EDA: variants seen among roughly 807,000 people sequenced by gnomAD.
The protein encoded by EDA is ectodysplasin-A.
EDA carries 2 observed loss-of-function variants against 23.6 expected under a neutral mutation model. The observed-to-expected ratio is 0.08, with a 90% confidence interval of 0.03 to 0.27. The LOEUF (loss-of-function observed/expected upper bound fraction) is 0.27, where lower values mean the gene tolerates loss of function less well. Ranked by LOEUF, EDA falls within the 10% of genes least tolerant of loss-of-function variation. The pLI is 1.00. For synonymous variants in EDA, 131 were observed against 132.0 expected (o/e 0.99, Z 0.05); for missense variants, 229 against 324.2 (o/e 0.71, Z 2.26).
intron 1 of EDA, among the ~76,000 whole-genome samples, chrX:69,745,192 G>T (rs2013580090): frequency 9.0e-6 from 1 of 111,314 alleles, no homozygotes; most frequent in Non-Finnish European, 1.9e-5. Context: ...CTTTACCTTG[G>T]AATTCTATCA....
intron 1 of EDA, among the ~76,000 whole-genome samples, chrX:69,644,527 GGTTTTCTAGATATAGGATCAT>G (rs1932882239): frequency 9.0e-6 from 1 of 111,099 alleles, no homozygotes; most frequent in Non-Finnish European, 1.9e-5. Context: ...GAGATGATGG[GGTTTTCTAGATATAGGATCAT>G]GTCATCTGCA....
intron 1 of EDA, among the ~76,000 whole-genome samples, chrX:69,913,620 G>C: frequency 8.9e-6 from 1 of 112,218 alleles, no homozygotes; most frequent in Non-Finnish European, 1.9e-5. Flanking sequence ...CTTATCATTT[G>C]TGTGTTCATT....
chrX:69,733,140 A>G (rs1427948994), intron 1 of EDA, among the ~76,000 whole-genome samples: 1 of 109,746 alleles, frequency 9.1e-6, no homozygotes, highest in African/African-American at 3.3e-5. Context: ...TTTTGTTGCC[A>G]TTGCTTTTGG....
chrX:69,664,287 C>T (rs1179883328), intron 1 of EDA, among the ~76,000 whole-genome samples: 1 of 111,329 alleles, frequency 9.0e-6, no homozygotes, highest in East Asian at 2.8e-4. Flanking sequence ...GTATTTGAAT[C>T]AAGGGGCGTG....
At chrX:69,709,912 G>A (rs1285689447) in intron 1 of EDA, among the ~76,000 whole-genome samples, 1 of 111,290 alleles carries the variant, frequency 9.0e-6, no homozygotes, top group African/African-American at 3.3e-5. Flanking sequence ...TGTCAGATGA[G>A]TAGATTGCAA....
chrX:69,910,052 G>A (rs1405553581), intron 1 of EDA, among the ~76,000 whole-genome samples: 1 of 111,581 alleles, frequency 9.0e-6, no homozygotes, highest in African/African-American at 3.3e-5. Context: ...CTTTTAAGTG[G>A]ATAATTCAAC....
At chrX:69,810,921 G>T (rs1402581602) in intron 1 of EDA, among the ~76,000 whole-genome samples, 1 of 111,569 alleles carries the variant, frequency 9.0e-6, no homozygotes, top group Admixed American at 9.5e-5. Flanking sequence ...AGGAGTAAGG[G>T]TAAAACATTT....
At chrX:69,693,925 T>C (rs2011250947) in intron 1 of EDA, among the ~76,000 whole-genome samples, 1 of 112,256 alleles carries the variant, frequency 8.9e-6, no homozygotes, top group Admixed American at 9.5e-5. Context: ...GGCAAATGAA[T>C]GAAATTCCTC....
intron 1 of EDA, among the ~76,000 whole-genome samples, chrX:69,944,650 G>T (rs180919113): frequency 2.3e-4 from 26 of 111,500 alleles, no homozygotes; most frequent in Admixed American, 1.7e-3. Flanking sequence ...TGAGGGAGGG[G>T]TGATGCAAGC....
Position 69,687,059 on chromosome X carries a change from C to T in EDA, c.396+70355C>T, listed in dbSNP as rs369647301. On this transcript the variant is annotated intron_variant, in intron 1 of 7. Coordinates refer to ENST00000374552, the MANE Select transcript of EDA (RefSeq NM_001399.5). ...TTCCACAAGCAACATATGAGGGTTC[C>T]AATTACTCTTCATCCTTGTCTACAC... Among the ~76,000 whole-genome samples, 41 of 111,685 alleles carry T rather than the reference C, an allele frequency of 3.7e-4. 1 individual carries two copies. The East Asian group carries it at 0.011, about 29-fold the overall frequency.
intron 1 of EDA, among the ~76,000 whole-genome samples, chrX:69,692,055 A>G (rs948977672): frequency 2.7e-5 from 3 of 111,233 alleles, no homozygotes; most frequent in Admixed American, 9.6e-5. Flanking sequence ...TGACTCCCAT[A>G]TGGAAATAGG....
At chrX:70,034,798 C>A (rs2020242421) in intron 7 of EDA, among the ~76,000 whole-genome samples, 1 of 111,728 alleles carries the variant, frequency 9.0e-6, no homozygotes, top group East Asian at 2.8e-4. Context: ...ATGGGAGGCC[C>A]AAGGGGCACT....
At chrX:69,860,945 C>G (rs1206877292) in intron 1 of EDA, 1 of 519,178 alleles carries the variant, frequency 1.9e-6, no homozygotes, top group Non-Finnish European at 3.5e-6. Context: ...GTCTCAGTCC[C>G]TCAGTGGGAG....
At chrX:70,011,303 C>A (rs1416777595) in intron 2 of EDA, among the ~76,000 whole-genome samples, 1 of 109,783 alleles carries the variant, frequency 9.1e-6, no homozygotes, top group Non-Finnish European at 1.9e-5. Flanking sequence ...CCACATACTA[C>A]AATCACAGAA....
intron 2 of EDA, among the ~76,000 whole-genome samples, chrX:69,977,587 C>T (rs1467659768): frequency 8.9e-6 from 1 of 112,262 alleles, no homozygotes; most frequent in Admixed American, 9.5e-5. Flanking sequence ...TAACAGTAAA[C>T]TTCTTCAAAG....
At position 69,824,875 on chromosome X, in the gene EDA, C is replaced by G. The variant is rs1344202350; in HGVS notation, c.397-132152C>G. ...CTTATTATTTTGAGATATGTCCCATCAATACCTAATTTATTGAGAGTTTTT... is the reference window on the plus strand; with the variant it reads ...CTTATTATTTTGAGATATGTCCCATGAATACCTAATTTATTGAGAGTTTTT... On this transcript the variant is annotated intron_variant, in intron 1 of 7. Coordinates refer to ENST00000374552, the MANE Select transcript of EDA (RefSeq NM_001399.5). Among the ~76,000 whole-genome samples, 12 of 72,686 alleles carry G rather than the reference C, an allele frequency of 1.7e-4. 2 individuals are homozygous for G. The highest frequency in any genetic ancestry group is 2.7e-4 in the Non-Finnish European group (11 of 40,871). The allele number at this position is 72,686 out of a possible 115,157, so 63.1% of individuals were successfully genotyped here. A position where few individuals can be genotyped will look rare whatever the true frequency, so the allele number is the denominator to read the frequency against.
intron 1 of EDA, among the ~76,000 whole-genome samples, chrX:69,801,601 T>C (rs1193152278): frequency 1.8e-5 from 2 of 111,824 alleles, no homozygotes; most frequent in Non-Finnish European, 3.8e-5. Flanking sequence ...CCAGAAGATA[T>C]TTGTTACACA....
chrX:69,733,421 G>C (rs1343575757), intron 1 of EDA, among the ~76,000 whole-genome samples: 1 of 111,440 alleles, frequency 9.0e-6, no homozygotes, highest in Non-Finnish European at 1.9e-5. Flanking sequence ...TAGATGTGTG[G>C]TATTATTTCT....
intron 2 of EDA, among the ~76,000 whole-genome samples, chrX:70,015,834 C>A (rs765966621): frequency 1.8e-4 from 20 of 111,423 alleles, no homozygotes; most frequent in Admixed American, 1.7e-3. Flanking sequence ...TAATAACCAG[C>A]TAACAACACA....
Sources: gnomAD v4.1 joint callset for allele counts (sites outside exome capture counted in the v4.1 genomes callset) on GRCh38, gnomAD v4.1.1 for gene constraint, MANE v1.5 for transcripts, NCBI Gene and HGNC (gene_info 2026-07-23, HGNC 2026-07-21) for gene names.